The following AAMDC variants were observed in gnomAD, a reference collection of about 807,000 sequenced individuals.
AAMDC encodes the protein mth938 domain-containing protein.
AAMDC carries 16 observed loss-of-function variants against 15.5 expected under a neutral mutation model. The observed-to-expected ratio is 1.03, with a 90% CI of 0.70 to 1.57. The LOEUF (loss-of-function observed/expected upper bound fraction) is 1.57, where lower values mean the gene tolerates loss of function less well. Ranked by LOEUF, AAMDC falls within the 40% of genes most tolerant of loss-of-function variation. The pLI is 0.00. For missense variants in AAMDC, 141 were observed against 144.9 expected, an observed-to-expected ratio of 0.97 and a Z score of 0.14; for synonymous variants, 51 against 51.6, an observed-to-expected ratio of 0.99 and a Z score of 0.05.
At chr11:77,835,290 C>T (rs911773703) in intron 1 of AAMDC, among the ~76,000 whole-genome samples, 2 of 152,098 alleles carry the variant, frequency 1.3e-5, no homozygotes, top group Admixed American at 6.6e-5. Context: ...TGGATGTGAT[C>T]GCCAGAGCTC....
intron 2 of AAMDC, among the ~76,000 whole-genome samples, chr11:77,844,385 G>T (rs1036003877): frequency 6.6e-6 from 1 of 151,200 alleles, no homozygotes; most frequent in Non-Finnish European, 1.5e-5. Context: ...TTTTTTTGGA[G>T]ACAGTCTCCC....
intron 2 of AAMDC, among the ~76,000 whole-genome samples, chr11:77,862,496 G>A (rs974908907): frequency 6.6e-6 from 1 of 152,122 alleles, no homozygotes; most frequent in Non-Finnish European, 1.5e-5. Flanking sequence ...CCCACCACTT[G>A]GAGAGGGCAT....
intron 2 of AAMDC, among the ~76,000 whole-genome samples, chr11:77,857,357 A>C (rs1183891995): frequency 6.6e-6 from 1 of 152,172 alleles, no homozygotes; most frequent in Non-Finnish European, 1.5e-5. Context: ...GGCAGGAAAA[A>C]CATATGTCTA....
At chr11:77,833,075 A>G (rs1026021943) in intron 1 of AAMDC, among the ~76,000 whole-genome samples, 2 of 138,640 alleles carry the variant, frequency 1.4e-5, no homozygotes, top group African/African-American at 5.5e-5. Context: ...GCAATGGCAG[A>G]TCTCATATCA....
intron 2 of AAMDC, among the ~76,000 whole-genome samples, chr11:77,857,853 T>G (rs935971907): frequency 1.3e-5 from 2 of 152,032 alleles, no homozygotes; most frequent in Non-Finnish European, 2.9e-5. Context: ...CGCACCACCA[T>G]GCCCTGCTAA....
chr11:77,905,495 T>C (rs1952921255), downstream of AAMDC, among the ~76,000 whole-genome samples: 1 of 151,710 alleles, frequency 6.6e-6, no homozygotes, highest in South Asian at 2.1e-4. Context: ...AAACGGACTC[T>C]CTGGGTTCTG....
downstream of AAMDC, among the ~76,000 whole-genome samples, chr11:77,873,065 C>G (rs1169728292): frequency 6.6e-6 from 1 of 152,138 alleles, no homozygotes; most frequent in Non-Finnish European, 1.5e-5. Context: ...TTTGTGAAGC[C>G]TTAGAATAGA....
rs1590957068 is a variant in AAMDC, at chr11:77,855,869, G to T, written c.132+13241G>T. Among the ~76,000 whole-genome samples the T allele has an allele frequency of 5.3e-5, 8 of 151,990 alleles. No homozygotes were observed. In the South Asian group the frequency reaches 1.7e-3, roughly 32 times the overall value. On this transcript the variant is annotated intron_variant, in intron 2 of 3. Transcript: ENST00000393427. ...AATCCCAGCACTTTGGGAGGCCAAG[G>T]TTATGAGGTGGGCCAAGGTGAGCAG...
At chr11:77,889,494 G>T (rs111845609) in intron 5 of AAMDC, among the ~76,000 whole-genome samples, 1,536 of 152,114 alleles carry the variant, frequency 0.01, 31 homozygotes, top group African/African-American at 0.033. Flanking sequence ...CATGTATACA[G>T]ATGTAACTAA....
At chr11:77,868,217 G>A (rs761143190) in intron 2 of AAMDC, among the ~76,000 whole-genome samples, 30 of 147,452 alleles carry the variant, frequency 2.0e-4, no homozygotes, top group Non-Finnish European at 4.3e-4. Context: ...TACCTGGCCC[G>A]GCTAATTTTT....
intron 2 of AAMDC, among the ~76,000 whole-genome samples, chr11:77,854,593 T>TG (rs1308681860): frequency 2.0e-5 from 3 of 152,246 alleles, no homozygotes; most frequent in African/African-American, 7.2e-5. Context: ...GTAACACTGA[T>TG]GCAAGGGGTG....
chr11:77,879,402 A>C (rs144658685), intron 5 of AAMDC, among the ~76,000 whole-genome samples: 251 of 152,336 alleles, frequency 1.6e-3, no homozygotes, highest in African/African-American at 5.8e-3. Flanking sequence ...TAATTGCTTC[A>C]TGATCTGCTT....
intron 5 of AAMDC, among the ~76,000 whole-genome samples, chr11:77,884,352 T>C (rs976325517): frequency 6.6e-6 from 1 of 152,254 alleles, no homozygotes; most frequent in East Asian, 1.9e-4. Flanking sequence ...AATTGCATTC[T>C]TTCCACTACA....
chr11:77,876,880 T>G (rs557942816), downstream of AAMDC: 3 of 673,602 alleles, frequency 4.5e-6, no homozygotes, highest in East Asian at 5.5e-5. Context: ...ATTCTTCCCT[T>G]AGAAGGTTTT....
intron 5 of AAMDC, among the ~76,000 whole-genome samples, chr11:77,887,781 GACAA>G (rs1952081726): frequency 6.6e-6 from 1 of 152,220 alleles, no homozygotes; most frequent in African/African-American, 2.4e-5. Flanking sequence ...GCCAATAACA[GACAA>G]ACAGAGAGCC....
intron 2 of AAMDC, among the ~76,000 whole-genome samples, chr11:77,848,155 CA>C (rs1950221326): frequency 6.6e-6 from 1 of 152,122 alleles, no homozygotes; most frequent in Non-Finnish European, 1.5e-5. Flanking sequence ...GTTGAGCTGG[CA>C]CATAAAATTA....
At chr11:77,821,406 C>A (rs976347352) in intron 1 of AAMDC, among the ~76,000 whole-genome samples, 165 bp downstream of exon 1, 7 of 151,948 alleles carry the variant, frequency 4.6e-5, no homozygotes, top group Non-Finnish European at 7.4e-5. Flanking sequence ...TGGGCTGGGA[C>A]CTCGGTAAGA....
chr11:77,878,995 C>A, intron 5 of AAMDC: 1 of 1,614,104 alleles, frequency 6.2e-7, no homozygotes, highest in Non-Finnish European at 8.5e-7. Flanking sequence ...TACAGGCTTG[C>A]TGAAGGGAAT....
At chr11:77,860,929 T>G (rs1259543391) in intron 2 of AAMDC, among the ~76,000 whole-genome samples, 1 of 152,186 alleles carries the variant, frequency 6.6e-6, no homozygotes, top group Non-Finnish European at 1.5e-5. Context: ...GTTGGGTTTC[T>G]ATACCCCTAA....
Sources: gnomAD v4.1 joint callset for allele counts (sites outside exome capture counted in the v4.1 genomes callset) on GRCh38, gnomAD v4.1.1 for gene constraint, MANE v1.5 for transcripts, NCBI Gene and HGNC (gene_info 2026-07-23, HGNC 2026-07-21) for gene names.